Variants in CACNA2D3 observed in about 807,000 individuals in gnomAD.
CACNA2D3 encodes the protein voltage-dependent calcium channel subunit alpha-2/delta-3.
A neutral mutation model predicts 160.6 loss-of-function variants in CACNA2D3; 60 were observed. The observed-to-expected ratio is 0.37, with a 90% confidence interval of 0.30 to 0.46. The LOEUF (loss-of-function observed/expected upper bound fraction) is 0.46, where lower values mean the gene tolerates loss of function less well. Among genes scored for constraint, CACNA2D3 ranks in the 20% least tolerant of loss-of-function variants. The probability of loss-of-function intolerance (pLI) is 1.00; values close to 1 mark genes in which losing one functional copy is unlikely to be tolerated. For synonymous variants in CACNA2D3, 558 were observed against 492.9 expected (o/e 1.13, Z -1.75); for missense variants, 1,205 against 1,365.0 (o/e 0.88, Z 1.85).
At chr3:54,347,770 TATCCTCA>T (rs1172525349) in intron 3 of CACNA2D3, among the ~76,000 whole-genome samples, 1 of 152,110 alleles carries the variant, frequency 6.6e-6, no homozygotes, top group African/African-American at 2.4e-5. Context: ...CTCTCAGTCC[TATCCTCA>T]ATAGAACTGG....
chr3:54,484,186 T>A (rs1575482408), intron 4 of CACNA2D3, among the ~76,000 whole-genome samples: 1 of 152,342 alleles, frequency 6.6e-6, no homozygotes. Context: ...GGCCATTTTT[T>A]AAAAAGGACA....
rs553979443 is a variant in CACNA2D3, at chr3:54,858,659, A to G, written c.1626+12192A>G. 3.3e-5 allele frequency among the ~76,000 whole-genome samples: 5 copies of G among 152,226 alleles called. No homozygotes were observed. The East Asian group carries it at 9.7e-4, about 29-fold the overall frequency. The stretch of plus-strand genomic sequence containing the variant: ...GAGACTCGACTGGGCTGCTTAAGTG[A>G]TGTTAGACTTTCCCAAAGAGCACAT... On this transcript the variant is annotated intron_variant, in intron 17 of 37. Transcript: ENST00000474759.
chr3:55,058,581 AAAAT>A (rs1704423234), intron 35 of CACNA2D3, among the ~76,000 whole-genome samples: 1 of 152,174 alleles, frequency 6.6e-6, no homozygotes, highest in Non-Finnish European at 1.5e-5. Context: ...ACTATAGAGT[AAAAT>A]ACTGATCACT....
At chr3:54,948,138 A>G (rs1006565050) in intron 27 of CACNA2D3, among the ~76,000 whole-genome samples, 1 of 152,146 alleles carries the variant, frequency 6.6e-6, no homozygotes. Flanking sequence ...TTACAATGAC[A>G]TTCTATTTCT....
intron 4 of CACNA2D3, among the ~76,000 whole-genome samples, chr3:54,430,114 G>A (rs765234691): frequency 3.3e-5 from 5 of 152,180 alleles, no homozygotes; most frequent in Non-Finnish European, 7.3e-5. Context: ...TGCTAATTAT[G>A]TCCTTGCTGC....
At chr3:54,863,063 T>C (rs1350034902) in intron 17 of CACNA2D3, among the ~76,000 whole-genome samples, 1 of 152,226 alleles carries the variant, frequency 6.6e-6, no homozygotes, top group African/African-American at 2.4e-5. Context: ...TTTCAAATTA[T>C]AGAGGTCCTC....
chr3:54,430,217 A>G (rs897798084), intron 4 of CACNA2D3, among the ~76,000 whole-genome samples: 1 of 152,042 alleles, frequency 6.6e-6, no homozygotes, highest in African/African-American at 2.4e-5. Context: ...CGGATTTGTT[A>G]TTTATTTGCT....
chr3:54,458,975 A>G (rs1392193390), intron 4 of CACNA2D3, among the ~76,000 whole-genome samples: 2 of 151,786 alleles, frequency 1.3e-5, no homozygotes, highest in African/African-American at 4.8e-5. Context: ...TCCTGTGTCC[A>G]TATGTTCTCA....
At chr3:54,843,841 T>G (rs1698874852) in intron 16 of CACNA2D3, among the ~76,000 whole-genome samples, 1 of 152,158 alleles carries the variant, frequency 6.6e-6, no homozygotes, top group Non-Finnish European at 1.5e-5. Flanking sequence ...AGTTTCTAAC[T>G]GGGGAGTCTG....
At chr3:54,584,776 G>T (rs1702732371) in intron 9 of CACNA2D3, among the ~76,000 whole-genome samples, 1 of 152,118 alleles carries the variant, frequency 6.6e-6, no homozygotes, top group South Asian at 2.1e-4. Flanking sequence ...AACAGCCAGA[G>T]AGAAAGGACA....
intron 4 of CACNA2D3, among the ~76,000 whole-genome samples, chr3:54,461,690 G>A (rs1700508186): frequency 6.6e-6 from 1 of 151,562 alleles, no homozygotes; most frequent in Admixed American, 6.6e-5. Flanking sequence ...AGTCTTGGTA[G>A]TGATCTATCA....
chr3:55,013,325 A>G (rs571697788), intron 34 of CACNA2D3, among the ~76,000 whole-genome samples: 1 of 152,354 alleles, frequency 6.6e-6, no homozygotes, highest in Admixed American at 6.5e-5. Context: ...CGACAGCGAG[A>G]GCTGCAGCTA....
At chr3:55,033,564 C>T (rs950505566) in intron 35 of CACNA2D3, among the ~76,000 whole-genome samples, 3 of 108,112 alleles carry the variant, frequency 2.8e-5, no homozygotes, top group Admixed American at 1.3e-4. Context: ...CTGAAACTAT[C>T]GTGTCATTTA....
At chr3:55,026,484 G>C (rs1004832045) in intron 35 of CACNA2D3, among the ~76,000 whole-genome samples, 1 of 152,190 alleles carries the variant, frequency 6.6e-6, no homozygotes, top group African/African-American at 2.4e-5. Context: ...TCCATGGTTA[G>C]TGCCATGATT....
intron 3 of CACNA2D3, among the ~76,000 whole-genome samples, chr3:54,347,644 G>A (rs970153163): frequency 6.6e-6 from 1 of 151,368 alleles, no homozygotes; most frequent in South Asian, 2.1e-4. Context: ...AATAACTTAT[G>A]TTGGTTGACT....
intron 2 of CACNA2D3, among the ~76,000 whole-genome samples, chr3:54,223,508 A>G (rs915828545): frequency 6.6e-6 from 1 of 152,204 alleles, no homozygotes; most frequent in African/African-American, 2.4e-5. Context: ...GTGAATGCCT[A>G]GGACATTACT....
chr3:54,488,109 T>G (rs546728956), intron 4 of CACNA2D3, among the ~76,000 whole-genome samples: 2 of 152,306 alleles, frequency 1.3e-5, no homozygotes, highest in South Asian at 4.1e-4. Flanking sequence ...GTAATGAGCT[T>G]TGTCTATTTG....
intron 11 of CACNA2D3, among the ~76,000 whole-genome samples, chr3:54,673,812 C>G (rs902743951): frequency 6.6e-6 from 1 of 152,212 alleles, no homozygotes; most frequent in African/African-American, 2.4e-5. Flanking sequence ...ATTTGACCTT[C>G]CTCTCTGGAC....
intron 3 of CACNA2D3, among the ~76,000 whole-genome samples, chr3:54,370,592 G>A (rs973993348): frequency 6.6e-6 from 1 of 152,078 alleles, no homozygotes; most frequent in African/African-American, 2.4e-5. Context: ...CTGTGGAGGT[G>A]GATTGTACCC....
Sources: gnomAD v4.1 joint callset for allele counts (sites outside exome capture counted in the v4.1 genomes callset) on GRCh38, gnomAD v4.1.1 for gene constraint, MANE v1.5 for transcripts, NCBI Gene and HGNC (gene_info 2026-07-23, HGNC 2026-07-21) for gene names.